RUNX1: variants seen among roughly 807,000 people sequenced by gnomAD.
The protein encoded by RUNX1 is runt-related transcription factor 1.
RUNX1 carries 19 observed loss-of-function variants against 42.8 expected under a neutral mutation model. That is an observed-to-expected ratio of 0.44 (90% CI 0.31 to 0.65). The LOEUF is 0.65. Ranked by LOEUF, RUNX1 falls within the 30% of genes least tolerant of loss-of-function variation. The pLI is 0.07. For missense variants in RUNX1, 528 were observed against 672.0 expected, an observed-to-expected ratio of 0.79 and a Z score of 2.37; for synonymous variants, 271 against 289.4, an observed-to-expected ratio of 0.94 and a Z score of 0.64.
intron 2 of RUNX1, among the ~76,000 whole-genome samples, chr21:34,985,313 G>A (rs1010202984): frequency 2.0e-5 from 3 of 152,198 alleles, no homozygotes; most frequent in African/African-American, 7.2e-5. Flanking sequence ...ACCCAGTCTT[G>A]GGTTCAGGCC....
intron 2 of RUNX1, among the ~76,000 whole-genome samples, chr21:35,019,183 G>A (rs2059180729): frequency 6.6e-6 from 1 of 152,150 alleles, no homozygotes; most frequent in South Asian, 2.1e-4. Context: ...TCCACTCATC[G>A]TCCTCAACCA....
chr21:34,872,103 TAAAG>T (rs2057746508), intron 5 of RUNX1, among the ~76,000 whole-genome samples: 2 of 152,112 alleles, frequency 1.3e-5, no homozygotes, highest in Non-Finnish European at 2.9e-5. Context: ...CTTGGCCTCC[TAAAG>T]TGCTGGGATT....
chr21:34,975,338 T>C (rs998960260), intron 2 of RUNX1, among the ~76,000 whole-genome samples: 6 of 152,258 alleles, frequency 3.9e-5, no homozygotes, highest in African/African-American at 1.4e-4. Flanking sequence ...GATCTGTATA[T>C]ATGGATGGTT....
At chr21:34,832,180 T>G (rs1345472836) in intron 7 of RUNX1, among the ~76,000 whole-genome samples, 1 of 152,230 alleles carries the variant, frequency 6.6e-6, no homozygotes, top group Admixed American at 6.5e-5. Context: ...TTAAACCTGA[T>G]ACTCTACTAA....
chr21:34,971,087 G>A (rs2058760559), intron 2 of RUNX1, among the ~76,000 whole-genome samples: 2 of 152,102 alleles, frequency 1.3e-5, no homozygotes, highest in Admixed American at 1.3e-4. Context: ...TGAGGCTCAG[G>A]GAGGTCGAAG....
At chr21:34,812,611 G>A (rs182170402) in intron 7 of RUNX1, among the ~76,000 whole-genome samples, 16 of 152,238 alleles carry the variant, frequency 1.1e-4, no homozygotes, top group Admixed American at 4.6e-4. Flanking sequence ...ACACAAAACC[G>A]CTTGGTAATA....
At chr21:34,855,147 G>T (rs2057478138) in intron 6 of RUNX1, among the ~76,000 whole-genome samples, 1 of 151,982 alleles carries the variant, frequency 6.6e-6, no homozygotes, top group South Asian at 2.1e-4. Context: ...ACAGGTAAAG[G>T]CTGCCCAATC....
Position 34,792,745 on chromosome 21 carries a change from G to A in RUNX1, c.968-135C>T. On this transcript the variant is annotated intron_variant, in intron 8 of 8. Coordinates refer to ENST00000675419, the MANE Select transcript of RUNX1 (RefSeq NM_001754.5). The surrounding 1 kb of genome is among the most constrained non-coding windows in gnomAD (Gnocchi z 6.9). ...GGAAGCCACCCAGGATGCTACTGCT[G>A]GGGAGGACGGGGACCACCCGGGATG... is the stretch of plus-strand genomic sequence containing the variant. 1.2e-6 allele frequency: 1 copy of A among 806,894 alleles called. No homozygotes were observed. Among genetic ancestry groups the A allele is most frequent in the South Asian group, 1.8e-5 (1 of 55,310 alleles). The allele number at this position is 806,894 out of a possible 1,614,324, so 50.0% of individuals were successfully genotyped here.
intron 7 of RUNX1, among the ~76,000 whole-genome samples, chr21:34,816,175 A>G (rs1406391218): frequency 6.6e-6 from 1 of 152,238 alleles, no homozygotes; most frequent in Non-Finnish European, 1.5e-5. Context: ...TTCTGAAATT[A>G]ACTTAAAACC....
chr21:34,823,430 G>GTTTTGTTTTTTTT (rs2056938283), intron 7 of RUNX1, among the ~76,000 whole-genome samples: 1 of 99,712 alleles, frequency 1.0e-5, no homozygotes, highest in Non-Finnish European at 1.8e-5. Context: ...TTCCTGGTGG[G>GTTTTGTTTTTTTT]TTTTTTTTTT....
chr21:34,966,212 A>G (rs954754670), intron 2 of RUNX1, among the ~76,000 whole-genome samples: 3 of 152,174 alleles, frequency 2.0e-5, no homozygotes, highest in African/African-American at 7.2e-5. Context: ...GTGGAGCTTA[A>G]ATTTGGATTT....
At chr21:34,967,147 T>C (rs537466588) in intron 2 of RUNX1, among the ~76,000 whole-genome samples, 21 of 150,306 alleles carry the variant, frequency 1.4e-4, no homozygotes, top group South Asian at 1.1e-3. Context: ...AGTGAAACCC[T>C]ATCTCTACTA....
chr21:34,956,323 C>A (rs2058643674), intron 2 of RUNX1, among the ~76,000 whole-genome samples: 1 of 152,132 alleles, frequency 6.6e-6, no homozygotes. Flanking sequence ...GCAGAATTTA[C>A]CTGAAAATTC....
chr21:34,977,021 T>C (rs1188355014), intron 2 of RUNX1, among the ~76,000 whole-genome samples: 1 of 152,210 alleles, frequency 6.6e-6, no homozygotes, highest in Non-Finnish European at 1.5e-5. Flanking sequence ...TGTGAAAATA[T>C]TTATCTTCAC....
chr21:35,016,546 C>A (rs1382188896), intron 2 of RUNX1, among the ~76,000 whole-genome samples: 1 of 152,164 alleles, frequency 6.6e-6, no homozygotes, highest in Non-Finnish European at 1.5e-5. Flanking sequence ...GCATCCTCTC[C>A]CTTTCTTAAA....
At chr21:34,849,171 C>T (rs1269310781) in intron 6 of RUNX1, among the ~76,000 whole-genome samples, 1 of 136,758 alleles carries the variant, frequency 7.3e-6, no homozygotes, top group African/African-American at 2.8e-5. Flanking sequence ...AAATAACTTT[C>T]TAGGGGTCTT....
At chr21:34,993,380 T>C (rs531796460) in intron 2 of RUNX1, among the ~76,000 whole-genome samples, 1 of 152,148 alleles carries the variant, frequency 6.6e-6, no homozygotes, top group South Asian at 2.1e-4. Flanking sequence ...CAAACAAAAC[T>C]GTACCAGAGG....
intron 2 of RUNX1, among the ~76,000 whole-genome samples, chr21:35,009,255 T>C (rs1349113838): frequency 1.3e-5 from 2 of 152,206 alleles, no homozygotes; most frequent in East Asian, 3.8e-4. Flanking sequence ...AGATCACGTG[T>C]TCTTTTAGGG....
intron 6 of RUNX1, among the ~76,000 whole-genome samples, chr21:34,849,606 C>A (rs1037806329): frequency 2.1e-5 from 3 of 144,982 alleles, no homozygotes; most frequent in African/African-American, 7.7e-5. Context: ...TGAAAATATA[C>A]CATGTGTCAA....
Sources: gnomAD v4.1 joint callset for allele counts (sites outside exome capture counted in the v4.1 genomes callset) on GRCh38, gnomAD v4.1.1 for gene constraint, Gnocchi (gnomAD v3.1) non-coding constraint, MANE v1.5 for transcripts, NCBI Gene and HGNC (gene_info 2026-07-23, HGNC 2026-07-21) for gene names.